Variants in ADGRL2 observed in about 807,000 individuals in gnomAD.
The protein encoded by ADGRL2 is calcium-independent alpha-latrotoxin receptor 2.
Under a neutral mutation model 157.4 loss-of-function variants are expected in ADGRL2, and 44 were observed. The observed-to-expected ratio is 0.28, with a 90% CI of 0.22 to 0.36. The LOEUF (loss-of-function observed/expected upper bound fraction) is 0.36, where lower values mean the gene tolerates loss of function less well. ADGRL2 is among the 10% of genes least tolerant of loss of function. The pLI is 1.00. For missense variants in ADGRL2, 1,510 were observed against 1,768.9 expected, an observed-to-expected ratio of 0.85 and a Z score of 2.63; for synonymous variants, 585 against 624.7, an observed-to-expected ratio of 0.94 and a Z score of 0.95.
intron 2 of ADGRL2, among the ~76,000 whole-genome samples, chr1:81,506,826 T>A (rs1457239012): frequency 6.6e-6 from 1 of 152,222 alleles, no homozygotes; most frequent in African/African-American, 2.4e-5. Flanking sequence ...TTGCTGAATC[T>A]TGCTTAGTCC....
intron 2 of ADGRL2, among the ~76,000 whole-genome samples, chr1:81,519,908 C>G (rs1378413696): frequency 2.0e-5 from 3 of 152,192 alleles, no homozygotes; most frequent in Non-Finnish European, 4.4e-5. Flanking sequence ...CTTGCAAGTA[C>G]TAAGTCTAGG....
In ADGRL2 at chr1:81,993,108, T is replaced by A. The variant is rs1468552231; in HGVS notation, c.*1963T>A. On this transcript the variant is annotated 3_prime_UTR_variant, in exon 24 of 24. Coordinates refer to ENST00000686636, the MANE Select transcript of ADGRL2 (RefSeq NM_001366006.2). ...ATATATTTTTTTTTTTTTTTTTTTT[T>A]TTTTTTTTTTTGGGACAGAGTGTCC... Among the ~76,000 whole-genome samples, 2 of 84,378 alleles carry A rather than the reference T, an allele frequency of 2.4e-5. No homozygotes were observed. The highest frequency in any genetic ancestry group is 8.5e-5 in the African/African-American group (2 of 23,460). The allele number at this position is 84,378 out of a possible 152,430, so 55.4% of individuals were successfully genotyped here. A position where few individuals can be genotyped will look rare whatever the true frequency, so the allele number is the denominator to read the frequency against.
rs1196410606 is a variant in ADGRL2, at chr1:81,970,350, T to C, written c.2770T>C (p.Phe924Leu). The C allele has an allele frequency of 2.5e-6, 4 of 1,600,728 alleles. No individual in the cohort carries two copies. The highest frequency in any genetic ancestry group is 1.4e-5 in the African/African-American group (1 of 73,514). ...AATATTTGCAGGACTTCTACACTTTTTCTTTTTGGCAGCTTTTGCTTGGAT... is the reference window on the plus strand; with the variant it reads ...AATATTTGCAGGACTTCTACACTTTCTCTTTTTGGCAGCTTTTGCTTGGAT... ...CPIFAGLLHF[F>L]FLAAFAWMCL... Residue 924 changes from phenylalanine (F) to leucine (L), a missense_variant, in exon 16 of 24, where the codon TTC becomes CTC. Phe to Leu is a conservative substitution (Grantham distance 22). Transcript: ENST00000686636.
intron 1 of ADGRL2, among the ~76,000 whole-genome samples, chr1:81,421,990 A>G (rs2077133609): frequency 1.3e-5 from 2 of 152,206 alleles, no homozygotes; most frequent in African/African-American, 4.8e-5. Flanking sequence ...TTTTCTTAAT[A>G]GTATTACTTA....
intron 1 of ADGRL2, among the ~76,000 whole-genome samples, chr1:81,727,992 A>T (rs2149163211): frequency 6.6e-6 from 1 of 152,274 alleles, no homozygotes; most frequent in African/African-American, 2.4e-5. Context: ...AGTATATTTA[A>T]TAAATATTTG....
intron 1 of ADGRL2, among the ~76,000 whole-genome samples, chr1:81,396,142 G>A (rs1164655008): frequency 6.6e-6 from 1 of 152,052 alleles, no homozygotes; most frequent in Non-Finnish European, 1.5e-5. Flanking sequence ...CATGAGCATG[G>A]GAAGTCTTTC....
chr1:81,327,751 T>C (rs549206623), intron 1 of ADGRL2, among the ~76,000 whole-genome samples: 1 of 152,336 alleles, frequency 6.6e-6, no homozygotes, highest in African/African-American at 2.4e-5. Context: ...TAAATGATCA[T>C]TGTTCTATGA....
chr1:81,468,410 A>C (rs2078104229), intron 2 of ADGRL2, among the ~76,000 whole-genome samples: 1 of 152,204 alleles, frequency 6.6e-6, no homozygotes, highest in Non-Finnish European at 1.5e-5. Context: ...CAGATAATTC[A>C]GAATTAAACA....
chr1:81,445,401 T>C lies in ADGRL2; in HGVS notation c.-248+312T>C, dbSNP rs530130288. On this transcript the variant is annotated intron_variant, in intron 2 of 24. Transcript: ENST00000370721. ...GGCATTTTTCTGCCTTGGAGTATTCTTGGACATCACAAATCACATAGGCAA... is the reference window on the plus strand; with the variant it reads ...GGCATTTTTCTGCCTTGGAGTATTCCTGGACATCACAAATCACATAGGCAA... Among the ~76,000 whole-genome samples the C allele has an allele frequency of 2.0e-5, 3 of 152,326 alleles. No individual in the cohort carries two copies. The South Asian group carries it at 6.2e-4, about 32-fold the overall frequency.
intron 1 of ADGRL2, among the ~76,000 whole-genome samples, chr1:81,810,901 C>T (rs696726): frequency 0.11 from 16,026 of 151,728 alleles, 982 homozygotes; most frequent in Admixed American, 0.18. Flanking sequence ...AACTTTTTTG[C>T]GCTTTTCAGA....
At chr1:81,586,161 C>T (rs1285496603) in intron 3 of ADGRL2, 1 of 151,504 alleles carries the variant, frequency 6.6e-6, no homozygotes, top group African/African-American at 2.4e-5. Flanking sequence ...TGGTATAATC[C>T]AAATCTATAT....
chr1:81,842,422 A>T (rs1387925445), intron 2 of ADGRL2, among the ~76,000 whole-genome samples: 1 of 122,720 alleles, frequency 8.1e-6, no homozygotes, highest in African/African-American at 3.1e-5. Flanking sequence ...CAATGGGATG[A>T]TCTCCGCTCA....
chr1:81,974,599 C>G (rs1266792745), intron 17 of ADGRL2, among the ~76,000 whole-genome samples: 2 of 152,132 alleles, frequency 1.3e-5, no homozygotes, highest in East Asian at 3.9e-4. Context: ...AGAACGTGCA[C>G]AGTTCAGCTA....
At chr1:81,446,231 G>C (rs143911790) in intron 2 of ADGRL2, among the ~76,000 whole-genome samples, 1 of 152,122 alleles carries the variant, frequency 6.6e-6, no homozygotes, top group African/African-American at 2.4e-5. Context: ...CCAGCCCGGC[G>C]CACAGCACAG....
intron 1 of ADGRL2, among the ~76,000 whole-genome samples, chr1:81,811,306 A>C (rs2149667502): frequency 6.6e-6 from 1 of 151,902 alleles, no homozygotes; most frequent in African/African-American, 2.4e-5. Flanking sequence ...AGTTTTAAAA[A>C]GTCACTTCTT....
At chr1:81,562,851 G>T (rs1371468287) in intron 2 of ADGRL2, among the ~76,000 whole-genome samples, 1 of 151,904 alleles carries the variant, frequency 6.6e-6, no homozygotes, top group Non-Finnish European at 1.5e-5. Context: ...AAATATTAAA[G>T]AAAAATTAAT....
chr1:81,399,556 C>G (rs750099618), intron 1 of ADGRL2, among the ~76,000 whole-genome samples: 2 of 152,092 alleles, frequency 1.3e-5, no homozygotes, highest in Non-Finnish European at 2.9e-5. Flanking sequence ...TTCTGCTTAA[C>G]CAAGTCAGCT....
intron 1 of ADGRL2, among the ~76,000 whole-genome samples, chr1:81,391,464 CAAAG>C (rs2076556378): frequency 2.0e-5 from 3 of 152,278 alleles, no homozygotes; most frequent in African/African-American, 7.2e-5. Context: ...GTAGGGAAAA[CAAAG>C]AGAATTTGGC....
intron 2 of ADGRL2, among the ~76,000 whole-genome samples, chr1:81,839,838 T>C (rs2092467997): frequency 1.4e-5 from 1 of 71,788 alleles, no homozygotes; most frequent in Non-Finnish European, 2.7e-5. Context: ...ATCATATATA[T>C]ATGTTTTCCA....
Sources: allele counts gnomAD v4.1 joint callset (sites outside exome capture counted in the v4.1 genomes callset), GRCh38; gene constraint gnomAD v4.1.1; transcripts MANE v1.5; gene names NCBI Gene and HGNC (gene_info 2026-07-23, HGNC 2026-07-21).